Variants in CPEB3 observed in about 807,000 individuals in gnomAD.
The protein encoded by CPEB3 is cytoplasmic polyadenylation element binding protein 3.
CPEB3 carries 20 observed loss-of-function variants against 67.2 expected under a neutral mutation model. That is an observed-to-expected ratio of 0.30 (90% CI 0.21 to 0.43). CPEB3 has a LOEUF of 0.43. Among genes scored for constraint, CPEB3 ranks in the 20% least tolerant of loss-of-function variants. The probability of loss-of-function intolerance (pLI) is 1.00; values close to 1 mark genes in which losing one functional copy is unlikely to be tolerated. For missense variants in CPEB3, 746 were observed against 968.6 expected (o/e 0.77, Z 3.05); for synonymous variants, 376 against 393.1 (o/e 0.96, Z 0.51).
intron 1 of CPEB3, among the ~76,000 whole-genome samples, chr10:92,289,732 A>AAAATATATATATAT: frequency 2.6e-5 from 2 of 75,772 alleles, no homozygotes; most frequent in African/African-American, 5.1e-5. Flanking sequence ...AAAAAAAAAA[A>AAAATATATATATAT]ATATATATAT....
intron 1 of CPEB3, among the ~76,000 whole-genome samples, chr10:92,288,420 A>T (rs2135133929): frequency 6.8e-6 from 1 of 148,148 alleles, no homozygotes; most frequent in East Asian, 2.0e-4. Flanking sequence ...GCGCCACTGC[A>T]CTCCAGCCTG....
intron 6 of CPEB3, among the ~76,000 whole-genome samples, chr10:92,138,645 T>C (rs1396355364): frequency 6.6e-6 from 1 of 152,102 alleles, no homozygotes; most frequent in Admixed American, 6.5e-5. Context: ...AACTACAATG[T>C]GATATCATCT....
chr10:92,106,960 A>G (rs1230007222), intron 7 of CPEB3, among the ~76,000 whole-genome samples: 1 of 76,124 alleles, frequency 1.3e-5, no homozygotes, highest in Non-Finnish European at 2.3e-5. Context: ...AAAAAAGCAA[A>G]GTTGGAAAAA....
intron 8 of CPEB3, among the ~76,000 whole-genome samples, chr10:92,082,264 C>CTTTGTTTGTTTG (rs59306760): frequency 7.3e-5 from 11 of 150,872 alleles, no homozygotes; most frequent in African/African-American, 2.7e-4. Flanking sequence ...CTAAATATGC[C>CTTTGTTTGTTTG]TTTGTTTGTT....
chr10:92,218,703 CCT>C (rs1850552247), intron 2 of CPEB3, among the ~76,000 whole-genome samples: 1 of 152,158 alleles, frequency 6.6e-6, no homozygotes, highest in African/African-American at 2.4e-5. Context: ...TTTTGTGAAA[CCT>C]ATAGAGTAAG....
At chr10:92,236,283 G>T (rs922720587) in intron 2 of CPEB3, among the ~76,000 whole-genome samples, 3 of 152,112 alleles carry the variant, frequency 2.0e-5, no homozygotes, top group Admixed American at 6.5e-5. Context: ...AGAACTGTAG[G>T]ACCTGAGTTC....
intron 8 of CPEB3, among the ~76,000 whole-genome samples, chr10:92,088,502 G>T (rs1843472498): frequency 6.6e-6 from 1 of 151,954 alleles, no homozygotes; most frequent in Non-Finnish European, 1.5e-5. Context: ...GGACAATACT[G>T]CTTAAAATAG....
intron 9 of CPEB3, among the ~76,000 whole-genome samples, chr10:92,075,916 G>C (rs1842916099): frequency 6.6e-6 from 1 of 152,202 alleles, no homozygotes; most frequent in Non-Finnish European, 1.5e-5. Flanking sequence ...AGATATACCA[G>C]TTAATTTCTT....
At chr10:92,234,666 T>A (rs1338036820) in intron 2 of CPEB3, among the ~76,000 whole-genome samples, 1 of 152,194 alleles carries the variant, frequency 6.6e-6, no homozygotes, top group African/African-American at 2.4e-5. Context: ...CAGTGGCTCA[T>A]GCCTGTAATC....
At chr10:92,278,113 A>T (rs1307819466) in intron 1 of CPEB3, among the ~76,000 whole-genome samples, 1 of 151,748 alleles carries the variant, frequency 6.6e-6, no homozygotes, top group East Asian at 1.9e-4. Context: ...TGAACCCAGG[A>T]AGAGGAGGTT....
chr10:92,137,465 G>A, intron 6 of CPEB3: 3 of 1,225,182 alleles, frequency 2.4e-6, no homozygotes, highest in Admixed American at 4.2e-5. Context: ...AAGCTCAACA[G>A]CAACACCCAG....
At chr10:92,279,284 CA>C (rs1008605226) in intron 1 of CPEB3, among the ~76,000 whole-genome samples, 3 of 152,190 alleles carry the variant, frequency 2.0e-5, no homozygotes, top group African/African-American at 7.2e-5. Context: ...GATCAGTGAA[CA>C]CCCTGGCTTT....
intron 9 of CPEB3, among the ~76,000 whole-genome samples, chr10:92,053,045 C>T (rs1257216594): frequency 1.3e-5 from 2 of 152,182 alleles, no homozygotes; most frequent in Non-Finnish European, 2.9e-5. Flanking sequence ...TGACACAGCT[C>T]CCTGAGACTA....
chr10:92,107,311 C>T (rs987391520), intron 7 of CPEB3, among the ~76,000 whole-genome samples: 18 of 152,154 alleles, frequency 1.2e-4, no homozygotes, highest in South Asian at 1.0e-3. Flanking sequence ...CAAAATCACT[C>T]TGTTGTATTT....
In CPEB3 at chr10:92,048,620, G is replaced by C. The variant is rs192364620; in HGVS notation, c.*3592C>G. ...CTAAACCACTGTGATAAAGGAAAAG[G>C]CTTCTCAAAATCTCACATGTTCTGC... On this transcript the variant is annotated 3_prime_UTR_variant, in exon 10 of 10. Coordinates refer to ENST00000265997, the MANE Select transcript of CPEB3 (RefSeq NM_014912.5). This position sits in a 1 kb window ranked among gnomAD's most constrained non-coding sequence, Gnocchi z 4.1. The C allele has an allele frequency of 2.4e-4, 37 of 152,410 alleles. No homozygotes were observed. Among genetic ancestry groups the C allele is most frequent in the Non-Finnish European group, 3.2e-4 (22 of 67,976 alleles). 9.4% of individuals were successfully genotyped at this position (152,410 alleles called of 1,614,324 possible). A position where few individuals can be genotyped will look rare whatever the true frequency, so the allele number is the denominator to read the frequency against.
intron 6 of CPEB3, among the ~76,000 whole-genome samples, chr10:92,133,835 T>A (rs981651564): frequency 2.0e-5 from 3 of 152,136 alleles, no homozygotes; most frequent in Non-Finnish European, 2.9e-5. Flanking sequence ...GTTGGCTTCA[T>A]CCCTGGGATG....
chr10:92,049,213 TTTTC>T lies in CPEB3; in HGVS notation c.*2995_*2998del, dbSNP rs1289176176. 6.6e-6 allele frequency: 1 copy of T among 152,388 alleles called. No homozygotes were observed. Among genetic ancestry groups the T allele is most frequent in the Non-Finnish European group, 1.5e-5 (1 of 67,974 alleles). 9.4% of individuals were successfully genotyped at this position (152,388 alleles called of 1,614,324 possible). ...GCAATAAAGATTTATGCCTTTTTTC[TTTTC>T]TTTTTTTTTTCTATTTTTTATACAA... On this transcript the variant is annotated 3_prime_UTR_variant, in exon 10 of 10. Transcript: ENST00000265997.
At chr10:92,272,352 A>T (rs1477041959) in intron 1 of CPEB3, 1 of 152,064 alleles carries the variant, frequency 6.6e-6, no homozygotes, top group Non-Finnish European at 1.5e-5. Flanking sequence ...CTTTCCTGCC[A>T]CAGTCTGTAA....
chr10:92,255,645 A>G (rs1852483298), intron 1 of CPEB3, among the ~76,000 whole-genome samples: 1 of 152,204 alleles, frequency 6.6e-6, no homozygotes, highest in African/African-American at 2.4e-5. Flanking sequence ...AACACCCTGA[A>G]CAAAGAACCT....
Sources: allele counts gnomAD v4.1 joint callset (sites outside exome capture counted in the v4.1 genomes callset), GRCh38; gene constraint gnomAD v4.1.1; non-coding constraint Gnocchi (gnomAD v3.1); transcripts MANE v1.5; gene names NCBI Gene and HGNC (gene_info 2026-07-23, HGNC 2026-07-21).